PPIL1: variants seen among roughly 807,000 people sequenced by gnomAD.
PPIL1 encodes peptidylprolyl isomerase like 1, also known as peptidyl-prolyl cis-trans isomerase-like 1.
In PPIL1, 14 loss-of-function variants were observed where a neutral mutation model predicts 19.4. The observed-to-expected ratio is 0.72, with a 90% CI of 0.48 to 1.13. PPIL1 has a LOEUF of 1.13. PPIL1 is among the 50% of genes most tolerant of loss of function. The pLI is 0.00. For missense variants in PPIL1, 192 were observed against 218.0 expected (o/e 0.88, Z 0.75); for synonymous variants, 72 against 73.6 (o/e 0.98, Z 0.11).
chr6:36,872,860 T>C (rs1223376926), intron 1 of PPIL1, among the ~76,000 whole-genome samples: 3 of 152,214 alleles, frequency 2.0e-5, no homozygotes, highest in African/African-American at 7.2e-5. Flanking sequence ...TCTACCTGCC[T>C]TGGCCTCCCA....
intron 2 of PPIL1, among the ~76,000 whole-genome samples, chr6:36,861,470 G>A (rs952518641): frequency 2.6e-5 from 4 of 152,200 alleles, no homozygotes; most frequent in South Asian, 4.1e-4. Flanking sequence ...CTCAAGTCCC[G>A]CTGTGGGCTC....
At chr6:36,859,892 G>T (rs533643898) in intron 2 of PPIL1, among the ~76,000 whole-genome samples, 5 of 150,328 alleles carry the variant, frequency 3.3e-5, no homozygotes, top group African/African-American at 1.2e-4. Flanking sequence ...GCAGTGGTGC[G>T]ATCTCGGCTC....
At chr6:36,863,138 GC>G (rs1342177079) in intron 2 of PPIL1, among the ~76,000 whole-genome samples, 1 of 152,162 alleles carries the variant, frequency 6.6e-6, no homozygotes, top group African/African-American at 2.4e-5. Context: ...GTGATGAAGA[GC>G]CCCTTTAACT....
chr6:36,866,399 T>C lies in PPIL1; in HGVS notation c.211+5319A>G, dbSNP rs149434511. 3.4e-3 allele frequency among the ~76,000 whole-genome samples: 514 copies of C among 152,206 alleles called. 1 individual carries two copies. Among genetic ancestry groups the C allele is most frequent in the African/African-American group, 0.012 (478 of 41,518 alleles). On this transcript the variant is annotated intron_variant, in intron 2 of 3. Transcript: ENST00000373699. ...GATGTCATTTGCTGCCCATCTGAGA[T>C]GTTTAACAAAAAACGTGTCACCTAA... is the stretch of plus-strand genomic sequence containing the variant.
chr6:36,860,256 C>T (rs1175335391), intron 2 of PPIL1, among the ~76,000 whole-genome samples: 1 of 152,032 alleles, frequency 6.6e-6, no homozygotes, highest in Non-Finnish European at 1.5e-5. Context: ...CTCTTAAGCC[C>T]AGGAGTTGAG....
chr6:36,857,734 T>C (rs1424907929), intron 2 of PPIL1, among the ~76,000 whole-genome samples: 2 of 151,846 alleles, frequency 1.3e-5, no homozygotes, highest in Admixed American at 1.3e-4. Flanking sequence ...CGGTGAGCTA[T>C]GATCATGTCA....
chr6:36,866,504 CT>C (rs1468048544), intron 2 of PPIL1, among the ~76,000 whole-genome samples: 1 of 152,100 alleles, frequency 6.6e-6, no homozygotes, highest in Non-Finnish European at 1.5e-5. Context: ...CAGTGGGCTG[CT>C]CAGTCATTCA....
chr6:36,855,910 C>A lies in PPIL1; in HGVS notation c.404G>T (p.Gly135Val), dbSNP rs1354907591. ...KHTIFGRVCQ[G>V]IGMVNRVGMV... ...TCCCACGCGATTCACCATTCCTATGCCCTGACACACTCGGCCAAAAATGGT... is the reference window on the plus strand; with the variant it reads ...TCCCACGCGATTCACCATTCCTATGACCTGACACACTCGGCCAAAAATGGT... The change falls in exon 4 of 4, where the codon GGC (glycine) becomes GTC (valine). Residue 135 changes from glycine (G) to valine (V), a missense_variant. By Grantham distance (109) the Gly-to-Val change is moderately radical (BLOSUM62 -3). Coordinates refer to ENST00000373699, the MANE Select transcript of PPIL1 (RefSeq NM_016059.5). The A allele has an allele frequency of 1.9e-6, 3 of 1,614,154 alleles. No homozygotes were observed. The highest frequency in any genetic ancestry group is 2.5e-6 in the Non-Finnish European group (3 of 1,180,008).
chr6:36,860,669 C>G (rs1056534453), intron 2 of PPIL1, among the ~76,000 whole-genome samples: 1 of 151,022 alleles, frequency 6.6e-6, no homozygotes, highest in Non-Finnish European at 1.5e-5. Context: ...ACAGCTGATT[C>G]AAAGAATCAC....
intron 1 of PPIL1, among the ~76,000 whole-genome samples, chr6:36,872,201 C>T (rs1466099016): frequency 6.6e-6 from 1 of 151,166 alleles, no homozygotes; most frequent in Admixed American, 6.6e-5. Context: ...ATAACCAACC[C>T]CTAAATTAGG....
At chr6:36,861,064 C>T (rs1432826183) in intron 2 of PPIL1, among the ~76,000 whole-genome samples, 1 of 151,890 alleles carries the variant, frequency 6.6e-6, no homozygotes, top group Non-Finnish European at 1.5e-5. Context: ...AAAAACTATT[C>T]TTATACTGTC....
At chr6:36,860,235 AGG>A (rs930781609) in intron 2 of PPIL1, among the ~76,000 whole-genome samples, 3 of 151,764 alleles carry the variant, frequency 2.0e-5, no homozygotes, top group Non-Finnish European at 2.9e-5. Flanking sequence ...GGGAGGCTGA[AGG>A]GGGCGGATCT....
chr6:36,870,551 A>G (rs1358961587), intron 2 of PPIL1, among the ~76,000 whole-genome samples: 1 of 152,250 alleles, frequency 6.6e-6, no homozygotes, highest in Non-Finnish European at 1.5e-5. Context: ...ATACAGTACA[A>G]CAACTATTTA....
chr6:36,855,810 A>C lies in PPIL1; in HGVS notation c.*3T>G. On this transcript the variant is annotated 3_prime_UTR_variant, in exon 4 of 4. Transcript: ENST00000373699. ...AGAAGAGCTGCTCAAGAGGGTAGCA[A>C]GTCTACCCAGAAGGGTATGCCTTAA... The C allele has an allele frequency of 6.2e-7, 1 of 1,613,546 alleles. No individual in the cohort carries two copies. The highest frequency in any genetic ancestry group is 8.5e-7 in the Non-Finnish European group (1 of 1,179,456).
At chr6:36,861,213 G>A (rs532388675) in intron 2 of PPIL1, among the ~76,000 whole-genome samples, 1 of 152,134 alleles carries the variant, frequency 6.6e-6, no homozygotes, top group African/African-American at 2.4e-5. Flanking sequence ...ACCCCACCCC[G>A]CAGCACTCTC....
chr6:36,856,472 G>A, intron 3 of PPIL1, 114 bp downstream of exon 3: 1 of 936,480 alleles, frequency 1.1e-6, no homozygotes, highest in Non-Finnish European at 1.7e-6. Flanking sequence ...CGCCATGGCT[G>A]GGCAGCTATC....
intron 1 of PPIL1, among the ~76,000 whole-genome samples, chr6:36,873,916 C>A (rs1445235641): frequency 6.6e-6 from 1 of 152,116 alleles, no homozygotes; most frequent in Admixed American, 6.5e-5. Flanking sequence ...AGCAGCAAGA[C>A]GTTATTAAAG....
rs1561844038 is a variant in PPIL1 at position 36,855,790 on chromosome 6, AG to A, written c.*22del. 1 of 1,608,184 alleles carries A rather than the reference AG, an allele frequency of 6.2e-7. No individual in the cohort carries two copies. The highest frequency in any genetic ancestry group is 8.5e-7 in the Non-Finnish European group (1 of 1,174,674). Reference sequence around the variant, plus strand: ...TGGTTCACTGGGGCCATCTCAGAAGAGCTGCTCAAGAGGGTAGCAAGTCTAC... The same window carrying A: ...TGGTTCACTGGGGCCATCTCAGAAGACTGCTCAAGAGGGTAGCAAGTCTAC... On this transcript the variant is annotated 3_prime_UTR_variant, in exon 4 of 4. Coordinates refer to ENST00000373699, the MANE Select transcript of PPIL1 (RefSeq NM_016059.5).
At chr6:36,862,687 C>A (rs1165182905) in intron 2 of PPIL1, among the ~76,000 whole-genome samples, 2 of 152,224 alleles carry the variant, frequency 1.3e-5, no homozygotes, top group East Asian at 3.8e-4. Context: ...AAGCCTAGAT[C>A]CCTGACAACT....
Sources: gnomAD v4.1 joint callset for allele counts (sites outside exome capture counted in the v4.1 genomes callset) on GRCh38, gnomAD v4.1.1 for gene constraint, MANE v1.5 for transcripts, NCBI Gene and HGNC (gene_info 2026-07-23, HGNC 2026-07-21) for gene names.